The following MAGEA4 variants were observed in gnomAD, a reference collection of about 807,000 sequenced individuals.
The protein encoded by MAGEA4 is melanoma-associated antigen 4.
MAGEA4 carries 1 observed loss-of-function variant against 13.7 expected under a neutral mutation model. That is an observed-to-expected ratio of 0.07 (90% CI 0.03 to 0.35). The LOEUF is 0.35. MAGEA4 is among the 10% of genes least tolerant of loss of function. The pLI is 0.99. For missense variants in MAGEA4, 312 were observed against 245.1 expected, an observed-to-expected ratio of 1.27 and a Z score of -1.82; for synonymous variants, 132 against 101.1, an observed-to-expected ratio of 1.31 and a Z score of -1.83.
At position 151,923,414 on chromosome X, in the gene MAGEA4, C is replaced by T. The variant is rs758020535; in HGVS notation, c.-137-39C>T. On this transcript the variant is annotated intron_variant, in intron 1 of 2. Transcript: ENST00000276344. ...TCCTGCAGAATCGACCTCTGCTGGC[C>T]GGCTATACCCTGAGGTGCTCTCTCA... 26 of 1,111,724 alleles carry T rather than the reference C, an allele frequency of 2.3e-5. No homozygotes were observed. The African/African-American group carries it at 3.1e-4, about 13-fold the overall frequency. 91.6% of individuals were successfully genotyped at this position (1,111,724 alleles called of 1,213,427 possible). A position where few individuals can be genotyped will look rare whatever the true frequency, so the allele number is the denominator to read the frequency against.
chrX:151,920,958 C>A (rs1933407474), intron 1 of MAGEA4, among the ~76,000 whole-genome samples: 1 of 110,943 alleles, frequency 9.0e-6, no homozygotes, highest in Admixed American at 9.5e-5. Flanking sequence ...TGCTCCCCAC[C>A]TCCGCCCCCT....
At position 151,924,665 on chromosome X, in the gene MAGEA4, G is replaced by A. The variant is rs1342374279; in HGVS notation, c.*47G>A. 8.8e-7 allele frequency: 1 copy of A among 1,135,511 alleles called. No homozygotes were observed. The highest frequency in any genetic ancestry group is 1.2e-6 in the Non-Finnish European group (1 of 854,085). 93.6% of individuals were successfully genotyped at this position (1,135,511 alleles called of 1,213,427 possible). On this transcript the variant is annotated 3_prime_UTR_variant, in exon 3 of 3. Transcript: ENST00000276344. Reference sequence around the variant, plus strand: ...GTGGGGAAGGGGCAGGGCTGGGCCAGTGCATCTAACAGCCCTGTGCAGCAG... The same window carrying A: ...GTGGGGAAGGGGCAGGGCTGGGCCAATGCATCTAACAGCCCTGTGCAGCAG...
intron 1 of MAGEA4, among the ~76,000 whole-genome samples, chrX:151,922,209 C>T (rs1451824093): frequency 9.0e-6 from 1 of 111,533 alleles, no homozygotes; most frequent in African/African-American, 3.3e-5. Context: ...CTCAGAAAGA[C>T]GGGACCCCAC....
At chrX:151,921,614 C>T (rs1261351924) in intron 1 of MAGEA4, among the ~76,000 whole-genome samples, 1 of 112,196 alleles carries the variant, frequency 8.9e-6, no homozygotes, top group Non-Finnish European at 1.9e-5. Context: ...ATCCGCATTC[C>T]AACATGCCCA....
intron 1 of MAGEA4, among the ~76,000 whole-genome samples, chrX:151,921,953 G>A (rs935772523): frequency 9.0e-6 from 1 of 111,671 alleles, no homozygotes; most frequent in African/African-American, 3.3e-5. Flanking sequence ...AGCCCTTCCA[G>A]GATCAAGGAA....
chrX:151,914,126 C>T (rs1480534639), intron 1 of MAGEA4: 1 of 19,730 alleles, frequency 5.1e-5, no homozygotes. Flanking sequence ...ATCTGATTTC[C>T]GCTTCCTCTT....
At chrX:151,922,936 C>T (rs908207514) in intron 1 of MAGEA4, among the ~76,000 whole-genome samples, 3 of 112,540 alleles carry the variant, frequency 2.7e-5, no homozygotes, top group Middle Eastern at 4.6e-3. Flanking sequence ...TGTCGTTCTT[C>T]GGAAGACCTA....
In MAGEA4 at chrX:151,924,566, C is replaced by T; in HGVS notation, c.902C>T (p.Ala301Val). ...AGGGTCAATGCAAGAGTTCGCATTGCCTACCCATCCCTGCGTGAAGCAGCT... is the reference window on the plus strand; with the variant it reads ...AGGGTCAATGCAAGAGTTCGCATTGTCTACCCATCCCTGCGTGAAGCAGCT... ...VVRVNARVRI[A>V]YPSLREAALL... is the part of the protein sequence containing the mutation. Residue 301 changes from alanine to valine, a missense_variant, in exon 3 of 3, where the codon GCC becomes GTC. By Grantham distance (64) the Ala-to-Val change is moderately conservative. Transcript: ENST00000276344. 1 of 1,200,557 alleles carries T rather than the reference C, an allele frequency of 8.3e-7. No individual in the cohort carries two copies. The highest frequency in any genetic ancestry group is 1.8e-5 in the South Asian group (1 of 54,585).
intron 1 of MAGEA4, among the ~76,000 whole-genome samples, chrX:151,919,315 C>T (rs1466847021): frequency 1.2e-5 from 1 of 81,816 alleles, no homozygotes; most frequent in Admixed American, 1.4e-4. Context: ...CCCCCACCCC[C>T]TCCCCTTTCC....
At chrX:151,919,559 C>A in intron 1 of MAGEA4, 15 of 632,102 alleles carry the variant, frequency 2.4e-5, no homozygotes, top group Non-Finnish European at 2.8e-5. Flanking sequence ...CCCATCCACG[C>A]TGAATCGGGT....
chrX:151,913,313 TC>T (rs1256824247), intron 1 of MAGEA4: 1 of 115,447 alleles, frequency 8.7e-6, no homozygotes, highest in African/African-American at 3.3e-5. Context: ...TACACTCCCA[TC>T]CTCCACCAGC....
intron 1 of MAGEA4, chrX:151,919,645 A>G (rs997417937): frequency 5.7e-4 from 428 of 750,717 alleles, no homozygotes; most frequent in Non-Finnish European, 6.5e-4. Context: ...TGGGGGTTAG[A>G]GAAAAGCGAG....
chrX:151,924,160 G>C lies in MAGEA4; in HGVS notation c.496G>C (p.Asp166His). 8.3e-7 allele frequency: 1 copy of C among 1,212,102 alleles called. No individual in the cohort carries two copies. Among genetic ancestry groups the C allele is most frequent in the Non-Finnish European group, 1.1e-6 (1 of 895,635 alleles). The change falls in exon 3 of 3, where the codon GAC (aspartate) becomes CAC (histidine). Residue 166 changes from aspartate (D) to histidine (H), a missense_variant. Physicochemically the swap from Asp to His is moderately conservative, Grantham distance 81. Transcript: ENST00000276344. ...GTCCCTGAAGATGATCTTTGGCATT[G>C]ACGTGAAGGAAGTGGACCCCGCCAG... is the stretch of plus-strand genomic sequence containing the variant. ...SESLKMIFGI[D>H]VKEVDPASNT...
rs1933600712 is a variant in MAGEA4, at chrX:151,924,276, A to G, written c.612A>G (p.Ile204Met). ...NQIFPKTGLL[I>M]IVLGTIAMEG... The stretch of plus-strand genomic sequence containing the variant: ...TCTTTCCCAAGACAGGCCTTCTGAT[A>G]ATCGTCCTGGGCACAATTGCAATGG... Residue 204 changes from isoleucine (I) to methionine (M), a missense_variant, in exon 3 of 3, where the codon ATA becomes ATG. Physicochemically the swap from Ile to Met is conservative, Grantham distance 10. Coordinates refer to ENST00000276344, the MANE Select transcript of MAGEA4 (RefSeq NM_001011548.1). The G allele has an allele frequency of 8.3e-7, 1 of 1,210,583 alleles. No individual in the cohort carries two copies. The highest frequency in any genetic ancestry group is 1.1e-6 in the Non-Finnish European group (1 of 894,989).
At chrX:151,913,573 C>A in intron 1 of MAGEA4, 1 of 750,502 alleles carries the variant, frequency 1.3e-6, no homozygotes, top group Non-Finnish European at 1.6e-6. Context: ...CGGGCCAGGC[C>A]CTGTGAGGAG....
chrX:151,918,160 C>A (rs1252461245), intron 1 of MAGEA4: 1 of 29,344 alleles, frequency 3.4e-5, no homozygotes, highest in Non-Finnish European at 6.5e-5. Flanking sequence ...AAAACCCGCC[C>A]CCTCCACCGA....
chrX:151,923,424 C>G (rs1933537798), intron 1 of MAGEA4, 29 bp from the exon 2 acceptor site: 1 of 1,150,934 alleles, frequency 8.7e-7, no homozygotes. Context: ...CGGCTATACC[C>G]TGAGGTGCTC....
chrX:151,923,636 T>C lies in MAGEA4; in HGVS notation c.-29T>C, dbSNP rs750267906. On this transcript the variant is annotated 5_prime_UTR_variant, in exon 3 of 3. Coordinates refer to ENST00000276344, the MANE Select transcript of MAGEA4 (RefSeq NM_001011548.1). ...CCCATTGCCCAGCTTTTGCCTGCAC[T>C]CTTGCCTGCTGCCCTGACCAGAGTC... 5.8e-6 allele frequency: 7 copies of C among 1,211,190 alleles called. No individual in the cohort carries two copies. The highest frequency in any genetic ancestry group is 7.8e-6 in the Non-Finnish European group (7 of 895,485).
chrX:151,919,181 G>A, intron 1 of MAGEA4: 1 of 364,429 alleles, frequency 2.7e-6, no homozygotes, highest in Admixed American at 9.1e-5. Context: ...TGCGTCTGAA[G>A]TCACATGGGA....
Sources: gnomAD v4.1 joint callset for allele counts (sites outside exome capture counted in the v4.1 genomes callset) on GRCh38, gnomAD v4.1.1 for gene constraint, MANE v1.5 for transcripts, NCBI Gene and HGNC (gene_info 2026-07-23, HGNC 2026-07-21) for gene names.